Variants in RNF128 observed in about 807,000 individuals in gnomAD.
RNF128 encodes the protein ring finger protein 128.
In RNF128, 13 loss-of-function variants were observed where a neutral mutation model predicts 26.2. That is an observed-to-expected ratio of 0.50 (90% CI 0.32 to 0.79). RNF128 has a LOEUF of 0.79. RNF128 is among the 30% of genes least tolerant of loss of function. RNF128 has a pLI of 0.03. For synonymous variants in RNF128, 149 were observed against 142.5 expected, an observed-to-expected ratio of 1.05 and a Z score of -0.32; for missense variants, 315 against 349.7, an observed-to-expected ratio of 0.90 and a Z score of 0.79.
intron 1 of RNF128, 78 bp downstream of exon 1, chrX:106,727,475 C>A (rs1462260516): frequency 8.9e-7 from 1 of 1,121,162 alleles, no homozygotes; most frequent in Non-Finnish European, 1.2e-6. Flanking sequence ...TTGCCCTCCT[C>A]GTCCTATCCC....
At chrX:106,765,934 G>T (rs1930224117) in intron 1 of RNF128, among the ~76,000 whole-genome samples, 1 of 90,118 alleles carries the variant, frequency 1.1e-5, no homozygotes, top group East Asian at 3.7e-4. Context: ...TGTTCTCATT[G>T]TTCAATTCCC....
chrX:106,708,951 T>G (rs1929083872), intron 1 of RNF128, among the ~76,000 whole-genome samples: 1 of 112,040 alleles, frequency 8.9e-6, no homozygotes, highest in Non-Finnish European at 1.9e-5. Flanking sequence ...AAATGAATAC[T>G]TCCTAAAGCA....
intron 1 of RNF128, among the ~76,000 whole-genome samples, chrX:106,704,433 GA>G (rs55870405): frequency 0.065 from 3,204 of 49,371 alleles, 210 homozygotes; most frequent in African/African-American, 0.22. Context: ...CTCTGTCTCA[GA>G]AAAAAAAAAA....
At chrX:106,772,317 A>T (rs1362308441) in intron 1 of RNF128, among the ~76,000 whole-genome samples, 1 of 111,283 alleles carries the variant, frequency 9.0e-6, no homozygotes, top group Non-Finnish European at 1.9e-5. Context: ...TCTGTGTAAA[A>T]CCTTAGAACA....
Position 106,772,124 on chromosome X carries a change from G to A in RNF128, c.485-789G>A, listed in dbSNP as rs1930384007. ...CAATCTGACATTCTTTTAACATTGG[G>A]AAAGATAATGTTTGTACTTTATTTT... On this transcript the variant is annotated intron_variant, in intron 1 of 6. Transcript: ENST00000255499. 5.4e-5 allele frequency among the ~76,000 whole-genome samples: 6 copies of A among 111,169 alleles called. No homozygotes were observed. In the South Asian group the frequency reaches 2.3e-3, roughly 42 times the overall value.
intron 1 of RNF128, among the ~76,000 whole-genome samples, chrX:106,729,087 A>C (rs1236241597): frequency 1.8e-5 from 2 of 112,001 alleles, no homozygotes; most frequent in African/African-American, 6.5e-5. Context: ...AGAGTATTTA[A>C]TTACAGAGTC....
rs1467115215 is a variant in RNF128, at chrX:106,726,793, A to G, written c.-121A>G. 1.9e-6 allele frequency: 2 copies of G among 1,069,154 alleles called. No individual in the cohort carries two copies. Among genetic ancestry groups the G allele is most frequent in the East Asian group, 3.6e-5 (1 of 28,058 alleles). The allele number at this position is 1,069,154 out of a possible 1,213,427, so 88.1% of individuals were successfully genotyped here. ...GCCTCCTGGCTCCGACGTAGCTCGC[A>G]GCTCCCCAGTCTCACTCCATTCCTT... is the stretch of plus-strand genomic sequence containing the variant. On this transcript the variant is annotated 5_prime_UTR_variant, in exon 1 of 7. Coordinates refer to ENST00000255499, the MANE Select transcript of RNF128 (RefSeq NM_194463.2).
At chrX:106,751,613 C>G (rs753962892) in intron 1 of RNF128, among the ~76,000 whole-genome samples, 96 of 110,850 alleles carry the variant, frequency 8.7e-4, no homozygotes, top group Middle Eastern at 4.6e-3. Context: ...CCAGGCAGTA[C>G]AGCTCACAGC....
At chrX:106,743,899 T>A (rs1156636843) in intron 1 of RNF128, among the ~76,000 whole-genome samples, 1 of 111,891 alleles carries the variant, frequency 8.9e-6, no homozygotes, top group African/African-American at 3.3e-5. Context: ...GTGGCACATA[T>A]ACACCATGGA....
At chrX:106,726,501 G>T (rs1929394178), upstream of RNF128, among the ~76,000 whole-genome samples, 1 of 111,977 alleles carries the variant, frequency 8.9e-6, no homozygotes, top group African/African-American at 3.2e-5. Flanking sequence ...GGACTTTATC[G>T]TTCCTCGCCT....
intron 1 of RNF128, among the ~76,000 whole-genome samples, chrX:106,739,226 A>G (rs1929655315): frequency 9.2e-6 from 1 of 108,408 alleles, no homozygotes. Context: ...GTGGTGCAAT[A>G]TGGGCTCACT....
chrX:106,766,742 G>T (rs1016912532), intron 1 of RNF128, among the ~76,000 whole-genome samples: 2 of 111,593 alleles, frequency 1.8e-5, no homozygotes, highest in African/African-American at 3.3e-5. Context: ...GTCAATTTTG[G>T]CTTTTGTTGC....
At chrX:106,768,336 A>G (rs1420486331) in intron 1 of RNF128, among the ~76,000 whole-genome samples, 2 of 111,321 alleles carry the variant, frequency 1.8e-5, no homozygotes, top group African/African-American at 3.3e-5. Context: ...CTGTGAATCC[A>G]TCTGGTCCTG....
intron 1 of RNF128, among the ~76,000 whole-genome samples, chrX:106,702,547 C>A (rs934797634): frequency 1.8e-5 from 2 of 111,619 alleles, no homozygotes; most frequent in East Asian, 5.7e-4. Context: ...TTCATAAGTG[C>A]TCTTACCCCA....
chrX:106,786,649 G>A (rs1157734119), intron 3 of RNF128, among the ~76,000 whole-genome samples: 2 of 111,136 alleles, frequency 1.8e-5, no homozygotes, highest in Non-Finnish European at 3.8e-5. Context: ...GAAAGGCACT[G>A]TTAAAAGAAG....
intron 1 of RNF128, among the ~76,000 whole-genome samples, chrX:106,733,632 C>T (rs1471334599): frequency 9.0e-6 from 1 of 111,252 alleles, no homozygotes; most frequent in Non-Finnish European, 1.9e-5. Context: ...TAATAAAATA[C>T]AGAAAAAAAT....
At position 106,766,794 on chromosome X, in the gene RNF128, C is replaced by G. The variant is rs939188611; in HGVS notation, c.485-6119C>G. 3.0e-4 allele frequency among the ~76,000 whole-genome samples: 34 copies of G among 111,892 alleles called. No individual in the cohort carries two copies. The East Asian group carries it at 5.3e-3, about 17-fold the overall frequency. ...TTGGTCATGAAGTCCTTGCCCATGC[C>G]TATGGCCTGAATGGTATTTGCCTAG... On this transcript the variant is annotated intron_variant, in intron 1 of 6. Coordinates refer to ENST00000255499, the MANE Select transcript of RNF128 (RefSeq NM_194463.2).
At chrX:106,767,432 C>A (rs1005653478) in intron 1 of RNF128, among the ~76,000 whole-genome samples, 1 of 111,649 alleles carries the variant, frequency 9.0e-6, no homozygotes, top group African/African-American at 3.3e-5. Flanking sequence ...TCCTTCACAT[C>A]CTTTTTAAGT....
At chrX:106,793,167 G>A (rs922239037) in intron 6 of RNF128, among the ~76,000 whole-genome samples, 6 of 110,727 alleles carry the variant, frequency 5.4e-5, no homozygotes, top group Non-Finnish European at 1.1e-4. Flanking sequence ...AGGAATTTTC[G>A]TTTCTAACAG....
Sources: allele counts gnomAD v4.1 joint callset (sites outside exome capture counted in the v4.1 genomes callset), GRCh38; gene constraint gnomAD v4.1.1; transcripts MANE v1.5; gene names NCBI Gene and HGNC (gene_info 2026-07-23, HGNC 2026-07-21).